LACTB2: variants seen among roughly 807,000 people sequenced by gnomAD.
The protein encoded by LACTB2 is lactamase beta 2, also known as endoribonuclease LACTB2.
Under a neutral mutation model 34.8 loss-of-function variants are expected in LACTB2, and 32 were observed. The observed-to-expected ratio is 0.92, with a 90% CI of 0.69 to 1.24. LACTB2 has a LOEUF of 1.24. LACTB2 is among the 50% of genes most tolerant of loss of function. The pLI is 0.00. For missense variants in LACTB2, 320 were observed against 345.0 expected (o/e 0.93, Z 0.57); for synonymous variants, 120 against 117.5 (o/e 1.02, Z -0.14).
chr8:70,656,264 A>G (rs140448394), intron 3 of LACTB2, among the ~76,000 whole-genome samples: 57 of 152,300 alleles, frequency 3.7e-4, no homozygotes, highest in African/African-American at 1.3e-3. Flanking sequence ...GCCTAAGCCA[A>G]AGTCTAGACG....
At position 70,641,102 on chromosome 8, in the gene LACTB2, G is replaced by C; in HGVS notation, c.593-52C>G. The C allele has an allele frequency of 4.1e-6, 6 of 1,449,632 alleles. No homozygotes were observed. In the South Asian group the frequency reaches 6.8e-5, roughly 16 times the overall value. 89.8% of individuals were successfully genotyped at this position (1,449,632 alleles called of 1,614,324 possible). ...CTTCAGTCAGATAAAAAAATACTAA[G>C]TACAACAGAAGCTAACTCACTCTAT... On this transcript the variant is annotated intron_variant, in intron 4 of 6. Transcript: ENST00000276590.
At chr8:70,667,112 G>A (rs1818539649) in intron 1 of LACTB2, among the ~76,000 whole-genome samples, 2 of 152,174 alleles carry the variant, frequency 1.3e-5, no homozygotes, top group African/African-American at 4.8e-5. Context: ...AATAATTAAA[G>A]ATTTGATAAA....
chr8:70,661,739 T>G lies in LACTB2; in HGVS notation c.281A>C (p.Asn94Thr). 1.2e-6 allele frequency: 2 copies of G among 1,607,118 alleles called. No individual in the cohort carries two copies. The highest frequency in any genetic ancestry group is 1.7e-6 in the Non-Finnish European group (2 of 1,178,170). Residue 94 changes from asparagine to threonine, a missense_variant, in exon 2 of 7, where the codon AAT becomes ACT. By Grantham distance (65) the Asn-to-Thr change is moderately conservative (BLOSUM62 0). Transcript: ENST00000276590. ...AATGAATGTTTTCTGTTTACCATTA[T>G]TGATGCTTTTACAAATATCTCCTAT... ...GGIGDICKSI[N>T]NDTTYCIKKL...
chr8:70,637,799 A>C lies in LACTB2; in HGVS notation c.*61T>G. ...TTATATTCTCTATAAAATAACCTAT[A>C]GTTAAGAAAACATACCATTCTCTGA... On this transcript the variant is annotated 3_prime_UTR_variant, in exon 7 of 7. Coordinates refer to ENST00000276590, the MANE Select transcript of LACTB2 (RefSeq NM_016027.3). 1.0e-6 allele frequency: 1 copy of C among 985,958 alleles called. No individual in the cohort carries two copies. Among genetic ancestry groups the C allele is most frequent in the Non-Finnish European group, 1.5e-6 (1 of 660,874 alleles). The allele number at this position is 985,958 out of a possible 1,614,324, so 61.1% of individuals were successfully genotyped here.
chr8:70,668,884 T>C, intron 1 of LACTB2, 115 bp downstream of exon 1: 5 of 1,406,768 alleles, frequency 3.6e-6, no homozygotes, highest in African/African-American at 1.5e-5. Context: ...GGCGCGGGGC[T>C]GCCCAGCTAG....
chr8:70,638,909 T>G (rs1178065519), intron 5 of LACTB2, among the ~76,000 whole-genome samples: 2 of 151,416 alleles, frequency 1.3e-5, no homozygotes, highest in East Asian at 3.9e-4. Context: ...CCAGCTAATT[T>G]TTGTACTTTT....
intron 1 of LACTB2, among the ~76,000 whole-genome samples, chr8:70,664,596 A>G (rs146202697): frequency 9.9e-5 from 15 of 152,272 alleles, no homozygotes; most frequent in African/African-American, 3.6e-4. Context: ...AAAACAGAAA[A>G]AAGTTCTGGA....
At chr8:70,668,748 G>GTTTTTTTTTTTTTTTTTTTTTTTTTTTTT (rs990900411) in intron 1 of LACTB2, among the ~76,000 whole-genome samples, 4 of 103,710 alleles carry the variant, frequency 3.9e-5, no homozygotes, top group African/African-American at 8.4e-5. Flanking sequence ...CAAAACAGAA[G>GTTTTTTTTTTTTTTTTTTTTTTTTTTTTT]TTTTTTTTTT....
intron 3 of LACTB2, among the ~76,000 whole-genome samples, chr8:70,647,346 A>G (rs1345216456): frequency 6.6e-6 from 1 of 151,300 alleles, no homozygotes; most frequent in African/African-American, 2.4e-5. Context: ...TCTGCCTCCC[A>G]GGTTCAAGCA....
intron 2 of LACTB2, chr8:70,661,098 C>T (rs1474555181): frequency 4.4e-6 from 2 of 453,862 alleles, no homozygotes; most frequent in Non-Finnish European, 4.4e-6. Flanking sequence ...TATTTATTTA[C>T]CAGTACCTTC....
Position 70,669,066 on chromosome 8 carries a change from A to C in LACTB2, c.55T>G (p.Leu19Val). Residue 19 changes from leucine to valine, a missense_variant, in exon 1 of 7, where the codon TTG becomes GTG. Transcript: ENST00000276590. Reference sequence around the variant, plus strand: ...GTCATGGGACCCGGGTTACAGCCCAACACACGCACGACTCGATTGGACAGC... The same window carrying C: ...GTCATGGGACCCGGGTTACAGCCCACCACACGCACGACTCGATTGGACAGC... ...ERLSNRVVRVLGCNPGPMTLQ... is the reference protein window; with the variant it reads ...ERLSNRVVRVVGCNPGPMTLQ... The C allele has an allele frequency of 6.2e-7, 1 of 1,612,968 alleles. No homozygotes were observed.
intron 1 of LACTB2, among the ~76,000 whole-genome samples, chr8:70,666,036 G>A (rs889676982): frequency 1.4e-4 from 21 of 152,168 alleles, no homozygotes; most frequent in Non-Finnish European, 4.4e-5. Flanking sequence ...CTGATCAGAT[G>A]AGGAAGGAAG....
intron 2 of LACTB2, chr8:70,660,988 C>G (rs756790166): frequency 4.4e-6 from 2 of 452,350 alleles, no homozygotes; most frequent in African/African-American, 4.0e-5. Flanking sequence ...CTATGTTGCC[C>G]AAGCTGGTCT....
At chr8:70,648,737 CAA>C (rs1434819658) in intron 3 of LACTB2, among the ~76,000 whole-genome samples, 1 of 152,100 alleles carries the variant, frequency 6.6e-6, no homozygotes, top group Non-Finnish European at 1.5e-5. Flanking sequence ...CATGGATTGA[CAA>C]AGACTCGCTT....
At chr8:70,659,460 A>T (rs1818455895) in intron 2 of LACTB2, among the ~76,000 whole-genome samples, 2 of 152,240 alleles carry the variant, frequency 1.3e-5, no homozygotes, top group South Asian at 4.1e-4. Context: ...TAAAGGAGAC[A>T]GAAACACTGA....
intron 2 of LACTB2, chr8:70,660,797 CCTTT>C (rs1192844850): frequency 2.2e-6 from 1 of 456,036 alleles, no homozygotes; most frequent in African/African-American, 2.0e-5. Context: ...TATTTTTTTC[CCTTT>C]TTTTTTCATT....
chr8:70,659,211 G>A (rs574425997), intron 2 of LACTB2, among the ~76,000 whole-genome samples: 1 of 152,000 alleles, frequency 6.6e-6, no homozygotes, highest in South Asian at 2.1e-4. Flanking sequence ...ACTTTACCAC[G>A]TGTAATCACT....
chr8:70,663,873 G>A (rs569323677), intron 1 of LACTB2, among the ~76,000 whole-genome samples: 60 of 151,902 alleles, frequency 3.9e-4, no homozygotes, highest in African/African-American at 1.4e-3. Flanking sequence ...CAACACCACC[G>A]TACAAATTTG....
At chr8:70,641,159 G>C (rs1818192611) in intron 4 of LACTB2, 109 bp from the exon 5 acceptor site, 1 of 1,023,622 alleles carries the variant, frequency 9.8e-7, no homozygotes, top group Non-Finnish European at 1.4e-6. Flanking sequence ...TATTGAAAAA[G>C]CATACTAAAT....
Sources: allele counts gnomAD v4.1 joint callset (sites outside exome capture counted in the v4.1 genomes callset), GRCh38; gene constraint gnomAD v4.1.1; transcripts MANE v1.5; gene names NCBI Gene and HGNC (gene_info 2026-07-23, HGNC 2026-07-21).